Variants in GSN observed in about 807,000 individuals in gnomAD.
The protein encoded by GSN is actin-depolymerizing factor.
GSN carries 56 observed loss-of-function variants against 85.7 expected under a neutral mutation model. That is an observed-to-expected ratio of 0.65 (90% CI 0.53 to 0.82). The LOEUF is 0.82. Ranked by LOEUF, GSN falls within the 40% of genes least tolerant of loss-of-function variation. The pLI, the probability that GSN is intolerant of heterozygous loss-of-function variation, is 0.00. For missense variants in GSN, 857 were observed against 979.8 expected (o/e 0.87, Z 1.67); for synonymous variants, 373 against 399.1 (o/e 0.93, Z 0.78).
chr9:121,218,348 C>T (rs532493171), intron 4 of GSN, among the ~76,000 whole-genome samples: 33 of 152,174 alleles, frequency 2.2e-4, no homozygotes, highest in Non-Finnish European at 4.3e-4. Flanking sequence ...AGAGAAAGGA[C>T]GAGAGGCCAG....
intron 4 of GSN, among the ~76,000 whole-genome samples, chr9:121,220,017 G>T (rs111413425): frequency 0.03 from 4,558 of 152,296 alleles, 125 homozygotes; most frequent in Non-Finnish European, 0.051. Flanking sequence ...GAGTAGCTGG[G>T]ATTACAGGCA....
intron 6 of GSN, among the ~76,000 whole-genome samples, chr9:121,255,691 T>C (rs1229119677): frequency 1.3e-5 from 2 of 152,234 alleles, no homozygotes; most frequent in African/African-American, 4.8e-5. Flanking sequence ...TGTATGCATG[T>C]ATTATGATTT....
chr9:121,266,669 C>T (rs2055221726), upstream of GSN, among the ~76,000 whole-genome samples: 1 of 152,208 alleles, frequency 6.6e-6, no homozygotes. Context: ...GTGTGACCTC[C>T]AGAGAGTACT....
At chr9:121,254,888 C>A (rs1307475390) in intron 6 of GSN, among the ~76,000 whole-genome samples, 1 of 152,170 alleles carries the variant, frequency 6.6e-6, no homozygotes. Flanking sequence ...CTTATATACC[C>A]TTACAAAAGT....
At chr9:121,267,810 T>C (rs1367239439), upstream of GSN, among the ~76,000 whole-genome samples, 1 of 152,060 alleles carries the variant, frequency 6.6e-6, no homozygotes, top group East Asian at 1.9e-4. Flanking sequence ...CTGGTGCTAG[T>C]TGAGCATTGC....
chr9:121,281,659 G>A (rs763124987), intron 2 of GSN, 97 bp downstream of exon 2: 4 of 471,210 alleles, frequency 8.5e-6, no homozygotes, highest in South Asian at 6.2e-5. Context: ...AGCAGCCGCT[G>A]TAGCCACAGT....
intron 11 of GSN, among the ~76,000 whole-genome samples, chr9:121,321,765 A>G (rs1012192895): frequency 6.6e-6 from 1 of 151,830 alleles, no homozygotes; most frequent in Admixed American, 6.6e-5. Context: ...ATTTTGAGAC[A>G]GAGTTTTTCT....
intron 1 of GSN, 92 bp from the exon 2 acceptor site, chr9:121,281,378 G>A (rs2057346395): frequency 5.7e-6 from 2 of 353,502 alleles, no homozygotes; most frequent in Non-Finnish European, 5.7e-6. Flanking sequence ...CCCTGGTGGA[G>A]GGGAGGAAAG....
intron 6 of GSN, among the ~76,000 whole-genome samples, chr9:121,248,480 G>A (rs563884066): frequency 1.7e-4 from 25 of 148,264 alleles, no homozygotes; most frequent in South Asian, 4.2e-4. Flanking sequence ...TCCCCATCTC[G>A]TCCCTCCTTC....
At chr9:121,317,409 T>G (rs1199535687) in intron 8 of GSN, 191 bp downstream of exon 8, 2 of 633,550 alleles carry the variant, frequency 3.2e-6, no homozygotes, top group Non-Finnish European at 5.6e-6. Context: ...TTACCCTTTC[T>G]GGGCCTCAGA....
At chr9:121,309,457 T>C (rs911103776) in intron 4 of GSN, 1 of 152,056 alleles carries the variant, frequency 6.6e-6, no homozygotes, top group Non-Finnish European at 1.5e-5. Flanking sequence ...CATCCAGCAT[T>C]GTTGTGGCGG....
chr9:121,234,590 G>A (rs563635931), intron 5 of GSN, among the ~76,000 whole-genome samples: 1 of 152,326 alleles, frequency 6.6e-6, no homozygotes, highest in East Asian at 1.9e-4. Flanking sequence ...ATAAGAGGGA[G>A]CATCGTGTGA....
intron 12 of GSN, 112 bp downstream of exon 12, chr9:121,324,756 TC>T (rs1554823084): frequency 1.7e-6 from 1 of 590,494 alleles, no homozygotes; most frequent in Non-Finnish European, 3.2e-6. Context: ...TGTCTGTCCA[TC>T]CATCCATCCA....
At chr9:121,312,182 C>CGT (rs2061224711) in intron 5 of GSN, 157 bp from the exon 6 acceptor site, 1 of 746,162 alleles carries the variant, frequency 1.3e-6, no homozygotes, top group Admixed American at 2.0e-5. Flanking sequence ...CTTAATTGTA[C>CGT]GTAAATAATG....
intron 14 of GSN, among the ~76,000 whole-genome samples, chr9:121,328,470 C>T (rs1233641720): frequency 6.6e-6 from 1 of 152,184 alleles, no homozygotes; most frequent in African/African-American, 2.4e-5. Context: ...AATGGCTGCA[C>T]ATGGACAGAG....
chr9:121,238,256 T>C (rs1049049232), intron 5 of GSN: 5 of 152,560 alleles, frequency 3.3e-5, no homozygotes, highest in African/African-American at 1.2e-4. Flanking sequence ...ATGTTAACAT[T>C]TGAGTTGGAC....
chr9:121,213,926 C>T (rs1269561804), intron 4 of GSN, among the ~76,000 whole-genome samples: 2 of 152,182 alleles, frequency 1.3e-5, no homozygotes, highest in Admixed American at 1.3e-4. Flanking sequence ...CGAGCTCGTA[C>T]CTTCTTTTAG....
intron 10 of GSN, among the ~76,000 whole-genome samples, chr9:121,320,652 C>CAAAAAAAA (rs564880956): frequency 2.2e-4 from 18 of 81,466 alleles, no homozygotes; most frequent in South Asian, 3.5e-4. Context: ...TCTCAAAAAA[C>CAAAAAAAA]AAAAAAAAAA....
intron 6 of GSN, among the ~76,000 whole-genome samples, chr9:121,254,595 A>G (rs2054910971): frequency 6.6e-6 from 1 of 152,196 alleles, no homozygotes; most frequent in Non-Finnish European, 1.5e-5. Context: ...GGCTTTGCAC[A>G]ACCAAAAGAC....
Sources: allele counts gnomAD v4.1 joint callset (sites outside exome capture counted in the v4.1 genomes callset), GRCh38; gene constraint gnomAD v4.1.1; transcripts MANE v1.5; gene names NCBI Gene and HGNC (gene_info 2026-07-23, HGNC 2026-07-21).